PHKB: variants seen among roughly 807,000 people sequenced by gnomAD.
PHKB encodes phosphorylase kinase regulatory subunit beta, also known as phosphorylase b kinase regulatory subunit beta.
A neutral mutation model predicts 152.1 loss-of-function variants in PHKB; 122 were observed. That is an observed-to-expected ratio of 0.80 (90% CI 0.69 to 0.93). The LOEUF is 0.93. Ranked by LOEUF, PHKB falls within the 40% of genes least tolerant of loss-of-function variation. The probability of loss-of-function intolerance (pLI) is 0.00; values close to 1 mark genes in which losing one functional copy is unlikely to be tolerated. For synonymous variants in PHKB, 436 were observed against 464.9 expected (o/e 0.94, Z 0.80); for missense variants, 1,304 against 1,328.4 (o/e 0.98, Z 0.29).
At chr16:47,510,717 GAGA>G (rs1970495932) in intron 4 of PHKB, among the ~76,000 whole-genome samples, 1 of 152,148 alleles carries the variant, frequency 6.6e-6, no homozygotes, top group Non-Finnish European at 1.5e-5. Context: ...GTATTTTAAG[GAGA>G]AGAAGAATTT....
chr16:47,692,096 G>A (rs990922856), intron 27 of PHKB, among the ~76,000 whole-genome samples: 3 of 152,132 alleles, frequency 2.0e-5, no homozygotes, highest in Non-Finnish European at 2.9e-5. Context: ...ATGCAAGCCC[G>A]TGCCTATTAA....
chr16:47,656,558 T>C (rs1161835237), intron 20 of PHKB, among the ~76,000 whole-genome samples: 1 of 152,212 alleles, frequency 6.6e-6, no homozygotes, highest in Admixed American at 6.5e-5. Context: ...AAATTTGCCA[T>C]GTTAATCATT....
intron 14 of PHKB, among the ~76,000 whole-genome samples, chr16:47,615,494 C>T (rs1422939190): frequency 1.3e-5 from 2 of 152,176 alleles, no homozygotes; most frequent in East Asian, 3.9e-4. Flanking sequence ...GATTAGAGCT[C>T]CCCACTTGGT....
At chr16:47,652,629 T>C (rs1973258375) in intron 20 of PHKB, among the ~76,000 whole-genome samples, 1 of 151,824 alleles carries the variant, frequency 6.6e-6, no homozygotes, top group African/African-American at 2.4e-5. Flanking sequence ...GTTTTTTTTG[T>C]TGTTGTTGTT....
At chr16:47,485,051 A>C (rs574790159) in intron 1 of PHKB, among the ~76,000 whole-genome samples, 1 of 152,180 alleles carries the variant, frequency 6.6e-6, no homozygotes, top group Admixed American at 6.5e-5. Flanking sequence ...GCTTTTCAAC[A>C]CCTAGGATCA....
At position 47,512,758 on chromosome 16, in the gene PHKB, T is replaced by C. The variant is rs1050179661; in HGVS notation, c.513+986T>C. ...CTGGGATACAAATATATTCTATTTA[T>C]GTTTAATTGATTTTCTGCTCATCAT... On this transcript the variant is annotated intron_variant, in intron 5 of 30. Coordinates refer to ENST00000323584, the MANE Select transcript of PHKB (RefSeq NM_000293.3). Among the ~76,000 whole-genome samples, 6 of 152,252 alleles carry C rather than the reference T, an allele frequency of 3.9e-5. 1 individual carries two copies. Among genetic ancestry groups the C allele is most frequent in the African/African-American group, 1.4e-4 (6 of 41,468 alleles).
intron 4 of PHKB, among the ~76,000 whole-genome samples, chr16:47,508,724 CTTTATT>C (rs1326251565): frequency 1.3e-5 from 2 of 152,084 alleles, no homozygotes; most frequent in African/African-American, 4.8e-5. Context: ...TAATTATTAT[CTTTATT>C]TTTATTTGCC....
chr16:47,689,188 C>T lies in PHKB; in HGVS notation c.2765+13C>T, dbSNP rs778161357. On this transcript the variant is annotated intron_variant, in intron 27 of 30. Coordinates refer to ENST00000323584, the MANE Select transcript of PHKB (RefSeq NM_000293.3). ...AACAGAATGGAAGGTAATAAGGGCC[C>T]CTTGTTACCTACATGATACTCTGGA... is the stretch of plus-strand genomic sequence containing the variant. 4.0e-5 allele frequency: 65 copies of T among 1,612,490 alleles called. No individual in the cohort carries two copies. The highest frequency in any genetic ancestry group is 5.2e-5 in the Non-Finnish European group (61 of 1,178,922).
chr16:47,485,766 T>G (rs1970038826), intron 1 of PHKB, among the ~76,000 whole-genome samples: 1 of 152,100 alleles, frequency 6.6e-6, no homozygotes, highest in Non-Finnish European at 1.5e-5. Flanking sequence ...ACTACAGGCG[T>G]GTACCAGCAC....
At chr16:47,516,931 G>A (rs1445341264) in intron 6 of PHKB, among the ~76,000 whole-genome samples, 1 of 152,110 alleles carries the variant, frequency 6.6e-6, no homozygotes, top group Non-Finnish European at 1.5e-5. Context: ...TGGGATCAGG[G>A]AGGAGCTGGG....
intron 6 of PHKB, among the ~76,000 whole-genome samples, chr16:47,541,974 T>C (rs1971068088): frequency 6.6e-6 from 1 of 152,200 alleles, no homozygotes; most frequent in South Asian, 2.1e-4. Context: ...GTAGTTTCTT[T>C]TGCTGTGCAG....
chr16:47,673,129 A>T (rs1567350662), intron 26 of PHKB, among the ~76,000 whole-genome samples: 4 of 147,272 alleles, frequency 2.7e-5, no homozygotes, highest in African/African-American at 9.9e-5. Flanking sequence ...GCAATCTGGT[A>T]TTTTTTTTTT....
At position 47,499,780 on chromosome 16, in the gene PHKB, A is replaced by G. The variant is rs749255658; in HGVS notation, c.191A>G (p.Gln64Arg). 27 of 1,614,228 alleles carry G rather than the reference A, an allele frequency of 1.7e-5. No homozygotes were observed. In the Middle Eastern group the frequency reaches 1.2e-3, roughly 69 times the overall value. The change falls in exon 3 of 31, where the codon CAA becomes CGA. Residue 64 changes from glutamine to arginine, a missense_variant. Physicochemically the swap from Gln to Arg is conservative, Grantham distance 43. Transcript: ENST00000323584. Reference sequence around the variant, plus strand: ...GTCAAGTCAACATTGCTGCTGTATCAAAGTCCAACTACCGGTCTCTTTCCC... The same window carrying G: ...GTCAAGTCAACATTGCTGCTGTATCGAAGTCCAACTACCGGTCTCTTTCCC... ...RIVKSTLLLY[Q>R]SPTTGLFPTK...
intron 20 of PHKB, among the ~76,000 whole-genome samples, chr16:47,651,631 A>G (rs1973239288): frequency 1.3e-5 from 2 of 152,228 alleles, no homozygotes; most frequent in Admixed American, 6.5e-5. Context: ...ACTGCGGTCT[A>G]TTATATAGGC....
At position 47,501,671 on chromosome 16, in the gene PHKB, C is replaced by T. The variant is rs190297713; in HGVS notation, c.306-1320C>T. 4.6e-5 allele frequency among the ~76,000 whole-genome samples: 7 copies of T among 152,176 alleles called. No individual in the cohort carries two copies. In the East Asian group the frequency reaches 7.7e-4, roughly 17 times the overall value. On this transcript the variant is annotated intron_variant, in intron 3 of 30. Transcript: ENST00000323584. ...ATGTTAAAATGGTGAATCTAAGTGA[C>T]GACCAAAAGACTTATTCATTATAGC...
intron 8 of PHKB, among the ~76,000 whole-genome samples, chr16:47,581,166 C>T (rs1018912593): frequency 3.9e-5 from 6 of 152,064 alleles, no homozygotes; most frequent in Non-Finnish European, 5.9e-5. Context: ...GCAAAAAAAA[C>T]GACATGGTTT....
chr16:47,483,199 C>G lies in PHKB; in HGVS notation c.77-14200C>G, dbSNP rs182247825. ...GATTACAGGCGCCCACCACCACACC[C>G]AGCTAAGCTTTGTATTTTTTGTATT... On this transcript the variant is annotated intron_variant, in intron 1 of 30. Transcript: ENST00000323584. 4.4e-3 allele frequency among the ~76,000 whole-genome samples: 660 copies of G among 149,754 alleles called. 4 individuals carry two copies. The highest frequency in any genetic ancestry group is 5.7e-3 in the Non-Finnish European group (386 of 67,780).
intron 1 of PHKB, among the ~76,000 whole-genome samples, chr16:47,465,023 T>G (rs1335710273): frequency 6.6e-6 from 1 of 152,192 alleles, no homozygotes; most frequent in East Asian, 1.9e-4. Context: ...CAAGTCCTGT[T>G]CTGGCAAGAT....
intron 13 of PHKB, among the ~76,000 whole-genome samples, chr16:47,599,439 C>T (rs368519740): frequency 2.6e-5 from 4 of 152,270 alleles, no homozygotes; most frequent in East Asian, 1.9e-4. Context: ...GAATTGACTA[C>T]ACCCTACATA....
Sources: allele counts gnomAD v4.1 joint callset (sites outside exome capture counted in the v4.1 genomes callset), GRCh38; gene constraint gnomAD v4.1.1; transcripts MANE v1.5; gene names NCBI Gene and HGNC (gene_info 2026-07-23, HGNC 2026-07-21).